Variants in PCDHGA12 observed in about 807,000 individuals in gnomAD.
PCDHGA12 encodes the protein protocadherin gamma subfamily A, 12, also known as protocadherin gamma-A12.
PCDHGA12 carries 43 observed loss-of-function variants against 61.1 expected under a neutral mutation model. The observed-to-expected ratio is 0.70, with a 90% CI of 0.55 to 0.91. PCDHGA12 has a LOEUF of 0.91. Ranked by LOEUF, PCDHGA12 falls within the 40% of genes least tolerant of loss-of-function variation. The pLI is 0.00. For synonymous variants in PCDHGA12, 520 were observed against 542.9 expected (o/e 0.96, Z 0.59); for missense variants, 1,236 against 1,227.7 (o/e 1.01, Z -0.10).
In PCDHGA12 at chr5:141,491,786, C is replaced by T; in HGVS notation, c.2425-3021C>T. The stretch of plus-strand genomic sequence containing the variant: ...CCTCATAAGGGATTGAACTTGCATC[C>T]ACTCCTCTCCGGCCGGCTTGGTCGC... On this transcript the variant is annotated intron_variant, in intron 1 of 3. Coordinates refer to ENST00000252085, the MANE Select transcript of PCDHGA12 (RefSeq NM_003735.3). This position sits in a 1 kb window ranked among gnomAD's most constrained non-coding sequence, Gnocchi z 6.9. The T allele has an allele frequency of 1.3e-6, 2 of 1,529,640 alleles. No individual in the cohort carries two copies. The highest frequency in any genetic ancestry group is 2.5e-5 in the South Asian group (2 of 80,832). The allele number at this position is 1,529,640 out of a possible 1,614,324, so 94.8% of individuals were successfully genotyped here.
chr5:141,496,923 C>T (rs963522127), intron 2 of PCDHGA12, among the ~76,000 whole-genome samples: 9 of 150,728 alleles, frequency 6.0e-5, no homozygotes, highest in East Asian at 1.9e-4. Context: ...CTGTGGTTCA[C>T]GCCTGTAATC....
intron 1 of PCDHGA12, among the ~76,000 whole-genome samples, chr5:141,462,736 T>C (rs2099045667): frequency 6.6e-6 from 1 of 152,274 alleles, no homozygotes; most frequent in South Asian, 2.1e-4. Flanking sequence ...TTGTCACCTC[T>C]GTAATTCCTA....
In PCDHGA12 at chr5:141,490,378, G is replaced by A; in HGVS notation, c.2425-4429G>A. On this transcript the variant is annotated intron_variant, in intron 1 of 3. Transcript: ENST00000252085. The surrounding 1 kb of genome is among the most constrained non-coding windows in gnomAD (Gnocchi z 5.4). The stretch of plus-strand genomic sequence containing the variant: ...GTTTAATGTGCGAGACCGGGACTCA[G>A]GTAGAAATGGTGAAGTGAGCCTTGA... 1 of 1,614,214 alleles carries A rather than the reference G, an allele frequency of 6.2e-7. No homozygotes were observed. The highest frequency in any genetic ancestry group is 1.1e-5 in the South Asian group (1 of 91,086).
intron 1 of PCDHGA12, among the ~76,000 whole-genome samples, chr5:141,480,272 G>T (rs903112862): frequency 7.2e-6 from 1 of 138,796 alleles, no homozygotes; most frequent in Non-Finnish European, 1.5e-5. Flanking sequence ...TTCATTAGCT[G>T]GGTGTGTTGG....
chr5:141,489,126 T>G lies in PCDHGA12; in HGVS notation c.2425-5681T>G. 31 of 585,108 alleles carry G rather than the reference T, an allele frequency of 5.3e-5. No homozygotes were observed. Among genetic ancestry groups the G allele is most frequent in the South Asian group, 1.3e-4 (4 of 31,402 alleles). 36.2% of individuals were successfully genotyped at this position (585,108 alleles called of 1,614,324 possible). On this transcript the variant is annotated intron_variant, in intron 1 of 3. Transcript: ENST00000252085. The surrounding 1 kb of genome is among the most constrained non-coding windows in gnomAD (Gnocchi z 4.5). ...TGCAAGCAGGCAAACCTCCGAGCAG[T>G]TTTTAAGAGGCTGGAAGGAGACATA...
intron 1 of PCDHGA12, among the ~76,000 whole-genome samples, chr5:141,452,094 G>A (rs760924457): frequency 6.6e-6 from 1 of 152,162 alleles, no homozygotes; most frequent in South Asian, 2.1e-4. Context: ...CAGTAAGAAA[G>A]AGCTTTCTTT....
At chr5:141,441,930 G>T in intron 1 of PCDHGA12, 1 of 347,232 alleles carries the variant, frequency 2.9e-6, no homozygotes, top group Non-Finnish European at 5.5e-6. Flanking sequence ...ATGCGTGGCT[G>T]TCCTACCACG....
intron 1 of PCDHGA12, among the ~76,000 whole-genome samples, chr5:141,454,750 T>C (rs992030704): frequency 1.3e-5 from 2 of 150,108 alleles, no homozygotes; most frequent in Admixed American, 6.7e-5. Flanking sequence ...GAGGCCAAAC[T>C]AATCTTGACA....
At chr5:141,502,907 G>C (rs1335363561) in intron 2 of PCDHGA12, among the ~76,000 whole-genome samples, 2 of 138,924 alleles carry the variant, frequency 1.4e-5, no homozygotes, top group Non-Finnish European at 3.0e-5. Context: ...CTGTTGCCAG[G>C]CTGGAGTGCA....
rs188953728 is a variant in PCDHGA12, at chr5:141,448,550, T to A, written c.2424+15367T>A. Among the ~76,000 whole-genome samples, 304 of 152,316 alleles carry A rather than the reference T, an allele frequency of 2.0e-3. 1 individual carries two copies. Among genetic ancestry groups the A allele is most frequent in the African/African-American group, 6.6e-3 (275 of 41,578 alleles). On this transcript the variant is annotated intron_variant, in intron 1 of 3. Transcript: ENST00000252085. ...CCTGTCAGCATTTCTTATGCAAATA[T>A]GTACATATATTTTTATTTCCCCATT...
rs2099383865 is a variant in PCDHGA12, at chr5:141,476,005, A to G, written c.2425-18802A>G. 1 of 1,267,576 alleles carries G rather than the reference A, an allele frequency of 7.9e-7. No homozygotes were observed. Among genetic ancestry groups the G allele is most frequent in the East Asian group, 2.3e-5 (1 of 42,864 alleles). 78.5% of individuals were successfully genotyped at this position (1,267,576 alleles called of 1,614,324 possible). A position where few individuals can be genotyped will look rare whatever the true frequency, so the allele number is the denominator to read the frequency against. ...CGGCGAGCAAATCAACGGCATCCAG[A>G]AAGCCATGTCGGACTCGGCGCCCAG... On this transcript the variant is annotated intron_variant, in intron 1 of 3. Coordinates refer to ENST00000252085, the MANE Select transcript of PCDHGA12 (RefSeq NM_003735.3). This position sits in a 1 kb window ranked among gnomAD's most constrained non-coding sequence, Gnocchi z 7.6.
In PCDHGA12 at chr5:141,505,363, T is replaced by C. The variant is rs751635403; in HGVS notation, c.2484-30T>C. 1.6e-5 allele frequency: 26 copies of C among 1,613,242 alleles called. No individual in the cohort carries two copies. In the Middle Eastern group the frequency reaches 9.9e-4, roughly 61 times the overall value. On this transcript the variant is annotated intron_variant, in intron 2 of 3. Transcript: ENST00000252085. ...GGCATGAGCTGTGCCGGCCTGGGAG[T>C]CTGTGCTCACCATCCTACTCTCTCC... is the stretch of plus-strand genomic sequence containing the variant.
In PCDHGA12 at chr5:141,458,391, C is replaced by G. The variant is rs534396279; in HGVS notation, c.2424+25208C>G. 5.9e-5 allele frequency among the ~76,000 whole-genome samples: 9 copies of G among 152,126 alleles called. No homozygotes were observed. In the South Asian group the frequency reaches 1.0e-3, roughly 18 times the overall value. ...GGAGAAGAGAGAAGGAAGACGCTCCCCCTTGCAGAGACGGAGCGGGGGTTC... is the reference window on the plus strand; with the variant it reads ...GGAGAAGAGAGAAGGAAGACGCTCCGCCTTGCAGAGACGGAGCGGGGGTTC... On this transcript the variant is annotated intron_variant, in intron 1 of 3. Coordinates refer to ENST00000252085, the MANE Select transcript of PCDHGA12 (RefSeq NM_003735.3).
Position 141,430,595 on chromosome 5 carries a change from G to A in PCDHGA12, c.-165G>A, listed in dbSNP as rs549786394. On this transcript the variant is annotated 5_prime_UTR_variant, in exon 1 of 4. Transcript: ENST00000252085. ...CGGAGATCCTGCTCGCCTTGCACGC[G>A]CCTGAAGCACAAAGCAGATAGCTAG... The A allele has an allele frequency of 4.9e-5, 28 of 567,134 alleles. No homozygotes were observed. Among genetic ancestry groups the A allele is most frequent in the African/African-American group, 3.8e-4 (20 of 52,058 alleles). 35.1% of individuals were successfully genotyped at this position (567,134 alleles called of 1,614,324 possible).
At chr5:141,439,898 C>A (rs1428014089) in intron 1 of PCDHGA12, 2 of 152,344 alleles carry the variant, frequency 1.3e-5, no homozygotes, top group African/African-American at 4.8e-5. Flanking sequence ...ACCAAGGCGA[C>A]TACTGCCTCC....
chr5:141,502,864 G>T (rs1595824348), intron 2 of PCDHGA12, among the ~76,000 whole-genome samples: 4 of 61,548 alleles, frequency 6.5e-5, no homozygotes, highest in African/African-American at 2.4e-4. Flanking sequence ...CTGACTCTCT[G>T]TCTTTTTTTT....
chr5:141,433,286 T>C (rs2097581877), intron 1 of PCDHGA12, 103 bp downstream of exon 1: 2 of 1,143,608 alleles, frequency 1.7e-6, no homozygotes, highest in African/African-American at 1.6e-5. Flanking sequence ...CTCAAACTCC[T>C]AGGCTCAAGC....
intron 1 of PCDHGA12, among the ~76,000 whole-genome samples, chr5:141,458,829 C>T (rs2098954599): frequency 6.6e-6 from 1 of 152,108 alleles, no homozygotes; most frequent in Non-Finnish European, 1.5e-5. Context: ...GCCTCCCAGG[C>T]TCAAGTGATC....
At position 141,486,927 on chromosome 5, in the gene PCDHGA12, G is replaced by T. The variant is rs2099637231; in HGVS notation, c.2425-7880G>T. On this transcript the variant is annotated intron_variant, in intron 1 of 3. Transcript: ENST00000252085. The surrounding 1 kb of genome is among the most constrained non-coding windows in gnomAD (Gnocchi z 5.0). ...CCCCAAGCACTGCCTCCATCAGTTG[G>T]TGCTGGCCACCTAATCACAAAGGTG... 1 of 1,614,108 alleles carries T rather than the reference G, an allele frequency of 6.2e-7. No homozygotes were observed. Among genetic ancestry groups the T allele is most frequent in the Non-Finnish European group, 8.5e-7 (1 of 1,180,054 alleles).
Sources: gnomAD v4.1 joint callset for allele counts (sites outside exome capture counted in the v4.1 genomes callset) on GRCh38, gnomAD v4.1.1 for gene constraint, Gnocchi (gnomAD v3.1) non-coding constraint, MANE v1.5 for transcripts, NCBI Gene and HGNC (gene_info 2026-07-23, HGNC 2026-07-21) for gene names.